PTPRR: variants seen among roughly 807,000 people sequenced by gnomAD.
PTPRR encodes protein tyrosine phosphatase receptor type R.
Under a neutral mutation model 77.2 loss-of-function variants are expected in PTPRR, and 38 were observed. That is an observed-to-expected ratio of 0.49 (90% CI 0.38 to 0.65). PTPRR has a LOEUF of 0.65. Among genes scored for constraint, PTPRR ranks in the 30% least tolerant of loss-of-function variants. The probability of loss-of-function intolerance (pLI) is 0.00; values close to 1 mark genes in which losing one functional copy is unlikely to be tolerated. For missense variants in PTPRR, 744 were observed against 799.2 expected (o/e 0.93, Z 0.83); for synonymous variants, 299 against 283.1 (o/e 1.06, Z -0.57).
At chr12:70,904,241 C>G (rs1893585658) in intron 1 of PTPRR, among the ~76,000 whole-genome samples, 1 of 151,734 alleles carries the variant, frequency 6.6e-6, no homozygotes, top group Non-Finnish European at 1.5e-5. Flanking sequence ...AATGTATATT[C>G]CCACAAATGT....
At chr12:70,792,470 A>G (rs1169325541) in intron 2 of PTPRR, among the ~76,000 whole-genome samples, 1 of 152,184 alleles carries the variant, frequency 6.6e-6, no homozygotes, top group African/African-American at 2.4e-5. Flanking sequence ...TTTCTGTCAT[A>G]TCTTGTATCT....
chr12:70,703,305 T>C (rs757358040), intron 6 of PTPRR, among the ~76,000 whole-genome samples: 2 of 152,214 alleles, frequency 1.3e-5, no homozygotes, highest in Non-Finnish European at 2.9e-5. Context: ...TGAAAACTTT[T>C]TCTCATCCTA....
intron 13 of PTPRR, among the ~76,000 whole-genome samples, chr12:70,653,701 T>C (rs1454700206): frequency 1.3e-5 from 2 of 152,170 alleles, no homozygotes; most frequent in Admixed American, 6.5e-5. Flanking sequence ...CTTTTCATCC[T>C]TACAATAATA....
chr12:70,904,790 T>A (rs1395507179), intron 1 of PTPRR, among the ~76,000 whole-genome samples: 1 of 151,904 alleles, frequency 6.6e-6, no homozygotes, highest in African/African-American at 2.4e-5. Context: ...TTATAAAAAG[T>A]AGTTTCAGTG....
intron 1 of PTPRR, among the ~76,000 whole-genome samples, chr12:70,899,608 C>A (rs1353334171): frequency 1.3e-5 from 2 of 151,544 alleles, no homozygotes; most frequent in African/African-American, 4.8e-5. Flanking sequence ...CCCCACAGTA[C>A]ACATTATGCT....
At chr12:70,755,035 G>T in intron 4 of PTPRR, among the ~76,000 whole-genome samples, 1 of 152,106 alleles carries the variant, frequency 6.6e-6, no homozygotes, top group East Asian at 1.9e-4. Flanking sequence ...CATGAATAAA[G>T]TGTGCATGAC....
intron 2 of PTPRR, among the ~76,000 whole-genome samples, chr12:70,827,668 C>T (rs1270898758): frequency 2.0e-5 from 3 of 149,046 alleles, no homozygotes; most frequent in Non-Finnish European, 3.0e-5. Flanking sequence ...GGCTCAGCCT[C>T]CTGAGTAGAT....
intron 2 of PTPRR, among the ~76,000 whole-genome samples, chr12:70,880,807 T>G (rs947574757): frequency 2.0e-5 from 3 of 152,198 alleles, no homozygotes; most frequent in Non-Finnish European, 4.4e-5. Context: ...ACTTACAGAT[T>G]CTCAAGTCTC....
At chr12:70,744,414 T>TA (rs1279118399) in intron 6 of PTPRR, among the ~76,000 whole-genome samples, 1 of 152,230 alleles carries the variant, frequency 6.6e-6, no homozygotes, top group Non-Finnish European at 1.5e-5. Flanking sequence ...ACAGGTATTT[T>TA]AGGGGAGGAG....
chr12:70,729,449 T>C (rs551432825), intron 6 of PTPRR, among the ~76,000 whole-genome samples: 29 of 152,276 alleles, frequency 1.9e-4, no homozygotes, highest in Middle Eastern at 6.8e-3. Flanking sequence ...ATCTGGAAAG[T>C]CTGTTTAGAT....
intron 2 of PTPRR, among the ~76,000 whole-genome samples, chr12:70,855,763 T>C (rs1892640734): frequency 6.6e-6 from 1 of 152,212 alleles, no homozygotes; most frequent in Non-Finnish European, 1.5e-5. Flanking sequence ...GAAGAAAAGT[T>C]ATTCGTTTTT....
chr12:70,823,615 C>T (rs1342545735), intron 2 of PTPRR, among the ~76,000 whole-genome samples: 2 of 152,224 alleles, frequency 1.3e-5, no homozygotes, highest in African/African-American at 4.8e-5. Context: ...GGAGCTCCCT[C>T]TCCCTTCCTT....
At chr12:70,885,983 A>G (rs1165364217) in intron 2 of PTPRR, among the ~76,000 whole-genome samples, 5 of 152,188 alleles carry the variant, frequency 3.3e-5, no homozygotes, top group Non-Finnish European at 5.9e-5. Context: ...AGGCCTAATG[A>G]CAATCAATTA....
chr12:70,751,028 T>C (rs1449660067), intron 5 of PTPRR, among the ~76,000 whole-genome samples: 13 of 149,240 alleles, frequency 8.7e-5, no homozygotes, highest in African/African-American at 2.1e-4. Context: ...CGTGAGCCAC[T>C]GCACTTGGTC....
intron 2 of PTPRR, among the ~76,000 whole-genome samples, chr12:70,836,362 C>T (rs371572833): frequency 1.7e-4 from 26 of 150,290 alleles, no homozygotes; most frequent in South Asian, 2.1e-4. Flanking sequence ...TGCCTGGAAA[C>T]GCCCTATTTT....
At chr12:70,689,750 C>T (rs771188810) in intron 8 of PTPRR, among the ~76,000 whole-genome samples, 11 of 152,186 alleles carry the variant, frequency 7.2e-5, no homozygotes, top group East Asian at 5.8e-4. Context: ...TCTTGCCAAG[C>T]ATGCTCCGTG....
chr12:70,864,586 A>G (rs1399731802), intron 2 of PTPRR, among the ~76,000 whole-genome samples: 1 of 152,182 alleles, frequency 6.6e-6, no homozygotes, highest in Admixed American at 6.5e-5. Context: ...CATTCAACAC[A>G]TATTTGTTAA....
intron 2 of PTPRR, among the ~76,000 whole-genome samples, chr12:70,884,952 A>T (rs1336887910): frequency 6.6e-6 from 1 of 151,272 alleles, no homozygotes; most frequent in Non-Finnish European, 1.5e-5. Flanking sequence ...CTCAAAGATA[A>T]GTTCTGAAAT....
chr12:70,645,619 A>T (rs980243359), intron 13 of PTPRR, among the ~76,000 whole-genome samples: 2 of 152,196 alleles, frequency 1.3e-5, no homozygotes, highest in African/African-American at 4.8e-5. Context: ...GGTGTTAGCC[A>T]CGTGGCTTGG....
Sources: allele counts gnomAD v4.1 joint callset (sites outside exome capture counted in the v4.1 genomes callset), GRCh38; gene constraint gnomAD v4.1.1; transcripts MANE v1.5; gene names NCBI Gene and HGNC (gene_info 2026-07-23, HGNC 2026-07-21).